Variants in PDE3B observed in about 807,000 individuals in gnomAD.
PDE3B encodes phosphodiesterase 3B, also known as cGMP-inhibited 3',5'-cyclic phosphodiesterase 3B.
A neutral mutation model predicts 116.8 loss-of-function variants in PDE3B; 66 were observed. The ratio of observed to expected loss-of-function variants is 0.56; its 90% CI spans 0.46 to 0.69. The LOEUF (loss-of-function observed/expected upper bound fraction) is 0.69, where lower values mean the gene tolerates loss of function less well. PDE3B is among the 30% of genes least tolerant of loss of function. PDE3B has a pLI of 0.00. For missense variants in PDE3B, 1,384 were observed against 1,368.1 expected (o/e 1.01, Z -0.18); for synonymous variants, 595 against 533.6 (o/e 1.12, Z -1.59).
intron 5 of PDE3B, among the ~76,000 whole-genome samples, chr11:14,817,312 G>A (rs1256784184): frequency 6.6e-6 from 1 of 152,110 alleles, no homozygotes; most frequent in Non-Finnish European, 1.5e-5. Flanking sequence ...GGGATGGATA[G>A]CATTAGGAGA....
In PDE3B at chr11:14,818,343, T is replaced by G. The variant is rs1859398691; in HGVS notation, c.1683T>G (p.Thr561=). 2.5e-6 allele frequency: 4 copies of G among 1,613,560 alleles called. No homozygotes were observed. The highest frequency in any genetic ancestry group is 3.4e-6 in the Non-Finnish European group (4 of 1,179,564). ...LQRSLGNAPN[T]PDFYQQLRNS... ...GATCTCTGGGCAATGCACCTAATAC[T>G]CCAGATTTTTATCAGCAACTTAGAA... The change falls in exon 6 of 16, where the codon ACT becomes ACG. Residue 561 remains threonine (T), a synonymous_variant. Transcript: ENST00000282096.
At chr11:14,668,236 A>G (rs778785664) in intron 1 of PDE3B, among the ~76,000 whole-genome samples, 4 of 152,144 alleles carry the variant, frequency 2.6e-5, no homozygotes, top group Non-Finnish European at 4.4e-5. Flanking sequence ...TCAATATTTA[A>G]TTGGTACTTA....
intron 5 of PDE3B, among the ~76,000 whole-genome samples, chr11:14,811,433 C>T (rs921443287): frequency 4.6e-5 from 7 of 152,110 alleles, no homozygotes; most frequent in African/African-American, 1.7e-4. Context: ...AATCCTTTCC[C>T]CATTGCTTGT....
At chr11:14,707,762 C>T (rs561510690) in intron 1 of PDE3B, among the ~76,000 whole-genome samples, 3 of 151,874 alleles carry the variant, frequency 2.0e-5, no homozygotes, top group African/African-American at 7.2e-5. Context: ...TGGGGTTTTC[C>T]CCCTGTATAT....
chr11:14,795,099 C>CATT (rs1340699411), intron 4 of PDE3B, among the ~76,000 whole-genome samples: 1 of 152,186 alleles, frequency 6.6e-6, no homozygotes, highest in Non-Finnish European at 1.5e-5. Context: ...TTGAGTAAAT[C>CATT]ATTGGCCATT....
intron 1 of PDE3B, among the ~76,000 whole-genome samples, chr11:14,692,259 G>C (rs1565094530): frequency 1.3e-5 from 2 of 152,046 alleles, no homozygotes; most frequent in Non-Finnish European, 2.9e-5. Context: ...GGGTGACAAA[G>C]CAAGACCCTA....
At chr11:14,710,495 T>G (rs1429060629) in intron 1 of PDE3B, among the ~76,000 whole-genome samples, 1 of 152,190 alleles carries the variant, frequency 6.6e-6, no homozygotes, top group Admixed American at 6.5e-5. Flanking sequence ...AGTGGGCATG[T>G]GACCAAAGTC....
At chr11:14,664,133 T>A (rs1214242841) in intron 1 of PDE3B, among the ~76,000 whole-genome samples, 1 of 152,064 alleles carries the variant, frequency 6.6e-6, no homozygotes, top group Non-Finnish European at 1.5e-5. Context: ...CGCTCAACTA[T>A]ATGGAAACTG....
chr11:14,749,284 G>T (rs748568616), intron 1 of PDE3B, among the ~76,000 whole-genome samples: 1 of 152,118 alleles, frequency 6.6e-6, no homozygotes, highest in Non-Finnish European at 1.5e-5. Flanking sequence ...GAGAAGTGAA[G>T]ATCATCTAGT....
At chr11:14,747,210 A>G (rs759890589) in intron 1 of PDE3B, among the ~76,000 whole-genome samples, 1 of 152,222 alleles carries the variant, frequency 6.6e-6, no homozygotes. Flanking sequence ...ATCCAGCCCC[A>G]TGATCTAGTC....
At chr11:14,887,147 G>C in the PDE3B span, 1 of 152,234 alleles carries the variant, frequency 6.6e-6, no homozygotes, top group Non-Finnish European at 1.5e-5. Context: ...TCGCAGAAGG[G>C]AACTTTAGCA....
chr11:14,722,501 C>T (rs1030299725), intron 1 of PDE3B, among the ~76,000 whole-genome samples: 28 of 152,024 alleles, frequency 1.8e-4, no homozygotes, highest in African/African-American at 6.8e-4. Flanking sequence ...AAATTTATTC[C>T]GTTTTGTAAG....
At chr11:14,894,029 G>T in the PDE3B span, among the ~76,000 whole-genome samples, 1 of 152,070 alleles carries the variant, frequency 6.6e-6, no homozygotes, top group Non-Finnish European at 1.5e-5. Flanking sequence ...CATCTCCCAC[G>T]CAAGGACACT....
Position 14,676,348 on chromosome 11 carries a change from TA to T in PDE3B, c.978+31296del, listed in dbSNP as rs549660219. On this transcript the variant is annotated intron_variant, in intron 1 of 15. Coordinates refer to ENST00000282096, the MANE Select transcript of PDE3B (RefSeq NM_000922.4). ...TACTCCACACCTAGGCTATATGTTATAGCCTATTGCTTCTAAGATACAAACC... is the reference window on the plus strand; with the variant it reads ...TACTCCACACCTAGGCTATATGTTATGCCTATTGCTTCTAAGATACAAACC... 3.4e-3 allele frequency among the ~76,000 whole-genome samples: 516 copies of T among 152,356 alleles called. 2 individuals are homozygous for T. The highest frequency in any genetic ancestry group is 9.7e-3 in the South Asian group (47 of 4,834).
At chr11:14,845,108 C>T (rs1359759342) in intron 12 of PDE3B, among the ~76,000 whole-genome samples, 1 of 151,948 alleles carries the variant, frequency 6.6e-6, no homozygotes, top group Non-Finnish European at 1.5e-5. Flanking sequence ...CAGACTGACA[C>T]CTCACACGGC....
the PDE3B span, among the ~76,000 whole-genome samples, chr11:14,892,901 G>A: frequency 6.6e-6 from 1 of 152,214 alleles, no homozygotes; most frequent in African/African-American, 2.4e-5. Flanking sequence ...CTTGTTCACG[G>A]AGAGTATTTA....
At chr11:14,725,322 T>C (rs1856263384) in intron 1 of PDE3B, among the ~76,000 whole-genome samples, 1 of 150,918 alleles carries the variant, frequency 6.6e-6, no homozygotes, top group Non-Finnish European at 1.5e-5. Context: ...TTTCTTTCTT[T>C]CTTTCTTTTT....
the PDE3B span, chr11:14,891,136 GA>G: frequency 3.0e-6 from 3 of 985,456 alleles, no homozygotes; most frequent in South Asian, 9.4e-5. Flanking sequence ...GCCCCCTCCG[GA>G]CGTCGGGACA....
intron 12 of PDE3B, among the ~76,000 whole-genome samples, chr11:14,844,989 T>A (rs971214204): frequency 6.6e-6 from 1 of 152,116 alleles, no homozygotes; most frequent in African/African-American, 2.4e-5. Context: ...GAGCAGTGGT[T>A]CTCCCAGCAC....
Sources: gnomAD v4.1 joint callset for allele counts (sites outside exome capture counted in the v4.1 genomes callset) on GRCh38, gnomAD v4.1.1 for gene constraint, MANE v1.5 for transcripts, NCBI Gene and HGNC (gene_info 2026-07-23, HGNC 2026-07-21) for gene names.